CCDC170: variants seen among roughly 807,000 people sequenced by gnomAD.
CCDC170 encodes coiled-coil domain containing 170, also known as coiled-coil domain-containing protein 170.
CCDC170 carries 69 observed loss-of-function variants against 72.6 expected under a neutral mutation model. The observed-to-expected ratio is 0.95, with a 90% CI of 0.78 to 1.16. The LOEUF is 1.16. Ranked by LOEUF, CCDC170 falls within the 50% of genes most tolerant of loss-of-function variation. The pLI is 0.00. For synonymous variants in CCDC170, 300 were observed against 303.9 expected (o/e 0.99, Z 0.13); for missense variants, 852 against 832.5 (o/e 1.02, Z -0.29).
In CCDC170 at chr6:151,536,339, G is replaced by C. The variant is rs762372180; in HGVS notation, c.79G>C (p.Glu27Gln). Residue 27 changes from glutamate (E) to glutamine (Q), a missense_variant, in exon 2 of 11, where the codon GAA (glutamate) becomes CAA (glutamine). Physicochemically the swap from Glu to Gln is conservative, Grantham distance 29. Transcript: ENST00000239374. Reference protein sequence around the residue: ...APEETYDHLSEVPVTREQLNH... With the variant: ...APEETYDHLSQVPVTREQLNH... The stretch of plus-strand genomic sequence containing the variant: ...CCAGGAAACTTACGATCATCTTTCG[G>C]AAGTCCCGGTCACGCGGGAGCAGTT... The C allele has an allele frequency of 1.9e-6, 3 of 1,613,800 alleles. No individual in the cohort carries two copies. Among genetic ancestry groups the C allele is most frequent in the Non-Finnish European group, 2.5e-6 (3 of 1,179,800 alleles).
At chr6:151,572,946 C>T (rs1189073561) in intron 5 of CCDC170, among the ~76,000 whole-genome samples, 1 of 152,034 alleles carries the variant, frequency 6.6e-6, no homozygotes, top group Non-Finnish European at 1.5e-5. Context: ...GCCACCACGC[C>T]TGGCCCCATT....
Position 151,544,631 on chromosome 6 carries a change from A to C in CCDC170, c.503A>C (p.His168Pro), listed in dbSNP as rs1782743820. The C allele has an allele frequency of 6.2e-7, 1 of 1,613,688 alleles. No individual in the cohort carries two copies. Among genetic ancestry groups the C allele is most frequent in the Non-Finnish European group, 8.5e-7 (1 of 1,179,712 alleles). The change falls in exon 4 of 11, where the codon CAT becomes CCT. Residue 168 changes from histidine (H) to proline (P), a missense_variant. Physicochemically the swap from His to Pro is moderately conservative, Grantham distance 77. Transcript: ENST00000239374. ...CAAGTTTCAAAGAATTGCAGGAAAC[A>C]TGAGGAATTTCTGACTCAACTGCGT... is the stretch of plus-strand genomic sequence containing the variant. ...KKQVSKNCRK[H>P]EEFLTQLRDC...
At position 151,496,780 on chromosome 6, in the gene CCDC170, T is replaced by A. The variant is rs7772947; in HGVS notation, c.57+2595T>A. On this transcript the variant is annotated intron_variant, in intron 1 of 10. Coordinates refer to ENST00000239374, the MANE Select transcript of CCDC170 (RefSeq NM_025059.4). ...CTGATTATACCACTCATCTGTGACA[T>A]CTTGGTCAAAACAATTAATGTATCA... Among the ~76,000 whole-genome samples, 512 of 152,334 alleles carry A rather than the reference T, an allele frequency of 3.4e-3. 1 individual carries two copies. Among genetic ancestry groups the A allele is most frequent in the African/African-American group, 0.012 (498 of 41,592 alleles).
intron 3 of CCDC170, among the ~76,000 whole-genome samples, chr6:151,539,120 C>T (rs958265932): frequency 2.0e-5 from 3 of 152,002 alleles, no homozygotes; most frequent in East Asian, 1.9e-4. Flanking sequence ...ATTAGCTGGG[C>T]GTGGTGCCAG....
chr6:151,536,973 T>C (rs1264943974), intron 2 of CCDC170, among the ~76,000 whole-genome samples: 1 of 152,044 alleles, frequency 6.6e-6, no homozygotes, highest in East Asian at 1.9e-4. Flanking sequence ...ATTCTGGATC[T>C]CAGAGGAGCT....
At chr6:151,502,465 C>T (rs1308359672) in intron 1 of CCDC170, among the ~76,000 whole-genome samples, 1 of 152,078 alleles carries the variant, frequency 6.6e-6, no homozygotes, top group East Asian at 1.9e-4. Context: ...TCCTTATTAG[C>T]TTCATATAAA....
chr6:151,499,459 A>G (rs891703237), intron 1 of CCDC170, among the ~76,000 whole-genome samples: 6 of 115,176 alleles, frequency 5.2e-5, no homozygotes, highest in South Asian at 2.8e-4. Context: ...GGCACGCTGT[A>G]TAAGTGGAAT....
chr6:151,541,884 A>ATG (rs771626945), intron 3 of CCDC170, among the ~76,000 whole-genome samples: 386 of 32,060 alleles, frequency 0.012, 1 homozygote, highest in African/African-American at 0.026. Context: ...ATATATATAT[A>ATG]TATTTTTTTT....
At chr6:151,611,267 C>T (rs530546332) in intron 9 of CCDC170, among the ~76,000 whole-genome samples, 12 of 75,350 alleles carry the variant, frequency 1.6e-4, no homozygotes, top group African/African-American at 7.7e-4. Context: ...AAGAGCAGAA[C>T]CCCATCTGAA....
At position 151,585,967 on chromosome 6, in the gene CCDC170, C is replaced by T. The variant is rs775729969; in HGVS notation, c.1171C>T (p.Leu391Phe). 6.2e-7 allele frequency: 1 copy of T among 1,614,074 alleles called. No individual in the cohort carries two copies. Among genetic ancestry groups the T allele is most frequent in the South Asian group, 1.1e-5 (1 of 91,054 alleles). The change falls in exon 7 of 11, where the codon CTC becomes TTC. Residue 391 changes from leucine (L) to phenylalanine (F), a missense_variant. Transcript: ENST00000239374. ...GGAGTCTGGGTTTCACCAGAAAGCT[C>T]TCCAGAGGGCCCAGAAAGCAGAGAA... ...GKESGFHQKA[L>F]QRAQKAENML...
chr6:151,545,365 A>G (rs1782755269), intron 4 of CCDC170, among the ~76,000 whole-genome samples: 1 of 152,102 alleles, frequency 6.6e-6, no homozygotes, highest in Non-Finnish European at 1.5e-5. Context: ...TTGCAGTGAG[A>G]TCAAGCCACT....
chr6:151,581,633 T>C (rs1365843374), intron 6 of CCDC170, among the ~76,000 whole-genome samples: 1 of 152,246 alleles, frequency 6.6e-6, no homozygotes, highest in Non-Finnish European at 1.5e-5. Flanking sequence ...TAGTGAATCC[T>C]TTCCAGAAGG....
At chr6:151,523,559 G>A (rs138581118) in intron 1 of CCDC170, among the ~76,000 whole-genome samples, 5,541 of 151,834 alleles carry the variant, frequency 0.036, 145 homozygotes, top group Non-Finnish European at 0.056. Flanking sequence ...GATGGTGCAC[G>A]CCTGTAATCC....
At chr6:151,551,327 G>A (rs970467230) in intron 5 of CCDC170, among the ~76,000 whole-genome samples, 1 of 152,138 alleles carries the variant, frequency 6.6e-6, no homozygotes, top group African/African-American at 2.4e-5. Flanking sequence ...ATTGCCCTAT[G>A]TAACCACAAT....
intron 5 of CCDC170, among the ~76,000 whole-genome samples, chr6:151,552,903 C>T (rs1583023236): frequency 6.7e-6 from 1 of 149,346 alleles, no homozygotes; most frequent in Non-Finnish European, 1.5e-5. Context: ...TCTCCTGCCT[C>T]AGCCTCCCTA....
At chr6:151,608,493 A>G (rs764507129) in intron 9 of CCDC170, among the ~76,000 whole-genome samples, 1 of 150,638 alleles carries the variant, frequency 6.6e-6, no homozygotes, top group Non-Finnish European at 1.5e-5. Context: ...TATGGCCTAT[A>G]TTGTTGATTG....
chr6:151,557,461 C>T (rs564433563), intron 5 of CCDC170, among the ~76,000 whole-genome samples: 4 of 151,954 alleles, frequency 2.6e-5, no homozygotes, highest in South Asian at 2.1e-4. Flanking sequence ...CGGTTGATTC[C>T]GTATATTTGC....
At chr6:151,526,087 CCTTCCTTT>C (rs1420057397) in intron 1 of CCDC170, among the ~76,000 whole-genome samples, 7 of 146,700 alleles carry the variant, frequency 4.8e-5, no homozygotes, top group African/African-American at 1.6e-4. Context: ...TTCCTTCCTT[CCTTCCTTT>C]CTTCCTTCCT....
rs201625561 is a variant in CCDC170 at position 151,596,461 on chromosome 6, C to T, written c.1594C>T (p.His532Tyr). The T allele has an allele frequency of 4.0e-5, 64 of 1,613,890 alleles. No homozygotes were observed. The African/African-American group carries it at 7.7e-4, about 20-fold the overall frequency. ...CTTGGTGGTTGAGAGGGACAACGCG[C>T]ATCTTACCATCAGGAACTTGCAGAA... ...TALVVERDNA[H>Y]LTIRNLQKKV... Residue 532 changes from histidine (H) to tyrosine (Y), a missense_variant, in exon 9 of 11, where the codon CAT becomes TAT. Physicochemically the swap from His to Tyr is moderately conservative, Grantham distance 83 (BLOSUM62 2). Coordinates refer to ENST00000239374, the MANE Select transcript of CCDC170 (RefSeq NM_025059.4).
Sources: allele counts gnomAD v4.1 joint callset (sites outside exome capture counted in the v4.1 genomes callset), GRCh38; gene constraint gnomAD v4.1.1; transcripts MANE v1.5; gene names NCBI Gene and HGNC (gene_info 2026-07-23, HGNC 2026-07-21).